DIP2C: variants seen among roughly 807,000 people sequenced by gnomAD.
DIP2C encodes the protein disco-interacting protein 2 homolog C.
In DIP2C, 33 loss-of-function variants were observed where a neutral mutation model predicts 192.4. The ratio of observed to expected loss-of-function variants is 0.17; its 90% CI spans 0.13 to 0.23. The LOEUF (loss-of-function observed/expected upper bound fraction) is 0.23. Among genes scored for constraint, DIP2C ranks in the 10% least tolerant of loss-of-function variants. The pLI is 1.00. For missense variants in DIP2C, 1,537 were observed against 2,110.1 expected, an observed-to-expected ratio of 0.73 and a Z score of 5.32; for synonymous variants, 979 against 864.1, an observed-to-expected ratio of 1.13 and a Z score of -2.33.
At chr10:344,399 CGG>C (rs10534838) in intron 28 of DIP2C, among the ~76,000 whole-genome samples, 91,018 of 118,218 alleles carry the variant, frequency 0.77, 32,210 homozygotes, top group African/African-American at 0.84. Flanking sequence ...GGGGGCGGGG[CGG>C]GGGGGGGTTT....
At chr10:388,406 C>T (rs552066408) in intron 13 of DIP2C, among the ~76,000 whole-genome samples, 51 of 152,320 alleles carry the variant, frequency 3.3e-4, no homozygotes, top group Admixed American at 1.8e-3. Context: ...AGCTTTCTCC[C>T]GAAGTCACCT....
chr10:431,579 T>C (rs1966856033), intron 4 of DIP2C, among the ~76,000 whole-genome samples: 1 of 152,194 alleles, frequency 6.6e-6, no homozygotes, highest in African/African-American at 2.4e-5. Flanking sequence ...GAGCCACTTT[T>C]TTATTTCAAA....
intron 29 of DIP2C, among the ~76,000 whole-genome samples, chr10:334,304 CAAAAAAAAAAA>C (rs35031456): frequency 2.4e-5 from 2 of 82,416 alleles, no homozygotes; most frequent in Non-Finnish European, 4.2e-5. Context: ...AAGACTGTCT[CAAAAAAAAAAA>C]AAAAAAAAAA....
intron 1 of DIP2C, among the ~76,000 whole-genome samples, chr10:533,101 G>A (rs566944515): frequency 3.2e-4 from 49 of 152,248 alleles, no homozygotes; most frequent in African/African-American, 1.2e-3. Flanking sequence ...CTCACAGCTC[G>A]AGGGTTTTCC....
At chr10:333,242 C>T (rs1957581885) in intron 29 of DIP2C, among the ~76,000 whole-genome samples, 1 of 152,140 alleles carries the variant, frequency 6.6e-6, no homozygotes, top group African/African-American at 2.4e-5. Flanking sequence ...TTTAGGTATA[C>T]TTTGCATACC....
intron 3 of DIP2C, among the ~76,000 whole-genome samples, chr10:468,157 C>A (rs116016103): frequency 0.015 from 2,359 of 152,232 alleles, 67 homozygotes; most frequent in African/African-American, 0.054. Flanking sequence ...TGGTAATAAA[C>A]TAACATAAGC....
intron 4 of DIP2C, among the ~76,000 whole-genome samples, chr10:436,223 G>A (rs1030552892): frequency 1.4e-4 from 22 of 152,224 alleles, no homozygotes; most frequent in African/African-American, 4.8e-4. Context: ...TTCTACCTCC[G>A]GTTTCTCTGT....
intron 1 of DIP2C, among the ~76,000 whole-genome samples, chr10:525,882 G>A (rs914454183): frequency 2.0e-5 from 3 of 152,142 alleles, no homozygotes; most frequent in Non-Finnish European, 4.4e-5. Flanking sequence ...GGGCCTCTCA[G>A]GTTTTGTCCC....
chr10:545,824 C>T (rs1384512982), intron 1 of DIP2C, among the ~76,000 whole-genome samples: 7 of 151,942 alleles, frequency 4.6e-5, no homozygotes, highest in East Asian at 1.9e-4. Flanking sequence ...CACTAAGTTG[C>T]GAAAGGAAAA....
At chr10:393,774 G>A (rs184179430) in intron 10 of DIP2C, among the ~76,000 whole-genome samples, 1,423 of 70,560 alleles carry the variant, frequency 0.02, 7 homozygotes, top group Middle Eastern at 0.042. Flanking sequence ...GCGAGACTCC[G>A]TCTCAAAAAA....
Position 406,523 on chromosome 10 carries a change from G to A in DIP2C, c.1149+2403C>T, listed in dbSNP as rs368415296. ...GAAATTATGACACTGAAAGGGATCA[G>A]ACCTAACCAACTCCATCTTGCTTCT... is the stretch of plus-strand genomic sequence containing the variant. On this transcript the variant is annotated intron_variant, in intron 9 of 36. Transcript: ENST00000280886. Among the ~76,000 whole-genome samples, 3 of 151,648 alleles carry A rather than the reference G, an allele frequency of 2.0e-5. No individual in the cohort carries two copies. In the East Asian group the frequency reaches 5.8e-4, roughly 29 times the overall value.
At position 382,770 on chromosome 10, in the gene DIP2C, A is replaced by G; in HGVS notation, c.1877-9T>C. On this transcript the variant is annotated splice_polypyrimidine_tract_variant and intron_variant, in intron 16 of 36. Transcript: ENST00000280886. ...GCAAGAAGAAATAGACCCTAGAGTGAAAGAGGGACAATGATCAGACAGCTG... is the reference window on the plus strand; with the variant it reads ...GCAAGAAGAAATAGACCCTAGAGTGGAAGAGGGACAATGATCAGACAGCTG... 1.3e-6 allele frequency: 2 copies of G among 1,580,146 alleles called. No homozygotes were observed. Among genetic ancestry groups the G allele is most frequent in the Admixed American group, 3.4e-5 (2 of 58,228 alleles).
intron 13 of DIP2C, 26 bp downstream of exon 13, chr10:389,965 C>G (rs1403183534): frequency 6.3e-7 from 1 of 1,591,416 alleles, no homozygotes; most frequent in Non-Finnish European, 8.6e-7. Context: ...ACCAGGGTCC[C>G]AAGGAGTCAG....
chr10:316,298 GA>G (rs879314109), intron 31 of DIP2C, among the ~76,000 whole-genome samples: 2 of 152,186 alleles, frequency 1.3e-5, no homozygotes, highest in Non-Finnish European at 2.9e-5. Context: ...TTTACCCCCA[GA>G]AAAGAATTTA....
At chr10:596,231 T>C (rs1466064608) in intron 1 of DIP2C, among the ~76,000 whole-genome samples, 9 of 152,126 alleles carry the variant, frequency 5.9e-5, no homozygotes, top group Admixed American at 5.2e-4. Context: ...ATTAAGTTGC[T>C]GGGTGCGGTG....
chr10:533,870 G>A (rs1298359825), intron 1 of DIP2C, among the ~76,000 whole-genome samples: 5 of 152,100 alleles, frequency 3.3e-5, no homozygotes, highest in Non-Finnish European at 5.9e-5. Context: ...TTCTAAATGG[G>A]CTGAGAACTG....
At chr10:292,300 G>A (rs1440497499) in intron 32 of DIP2C, among the ~76,000 whole-genome samples, 2 of 152,346 alleles carry the variant, frequency 1.3e-5, no homozygotes, top group East Asian at 1.9e-4. Context: ...TTCACATCAA[G>A]GTTACAATTT....
Position 506,325 on chromosome 10 carries a change from C to T in DIP2C, c.86-19795G>A, listed in dbSNP as rs567723846. On this transcript the variant is annotated intron_variant, in intron 1 of 36. Coordinates refer to ENST00000280886, the MANE Select transcript of DIP2C (RefSeq NM_014974.3). ...GAGCAGACAAGCTGCATGACATCTT[C>T]TGAGAGGGAAGCTGTGCCATGTCAG... Among the ~76,000 whole-genome samples, 12 of 152,270 alleles carry T rather than the reference C, an allele frequency of 7.9e-5. No individual in the cohort carries two copies. The South Asian group carries it at 1.4e-3, about 18-fold the overall frequency.
At chr10:663,447 G>A (rs534115619) in intron 1 of DIP2C, 1 of 152,730 alleles carries the variant, frequency 6.5e-6, no homozygotes, top group African/African-American at 2.4e-5. Context: ...TCCTTCCCTG[G>A]AATGCTTTAA....
Sources: allele counts gnomAD v4.1 joint callset (sites outside exome capture counted in the v4.1 genomes callset), GRCh38; gene constraint gnomAD v4.1.1; transcripts MANE v1.5; gene names NCBI Gene and HGNC (gene_info 2026-07-23, HGNC 2026-07-21).